NSUN2: variants seen among roughly 807,000 people sequenced by gnomAD.
NSUN2 encodes RNA cytosine C(5)-methyltransferase NSUN2.
In NSUN2, 63 loss-of-function variants were observed where a neutral mutation model predicts 92.7. The observed-to-expected ratio is 0.68, with a 90% CI of 0.56 to 0.84. The LOEUF is 0.84. Among genes scored for constraint, NSUN2 ranks in the 40% least tolerant of loss-of-function variants. The pLI is 0.00. For synonymous variants in NSUN2, 356 were observed against 348.3 expected, an observed-to-expected ratio of 1.02 and a Z score of -0.25; for missense variants, 989 against 964.9, an observed-to-expected ratio of 1.02 and a Z score of -0.33.
At chr5:6,614,230 T>C (rs1027698829) in intron 9 of NSUN2, among the ~76,000 whole-genome samples, 1 of 150,702 alleles carries the variant, frequency 6.6e-6, no homozygotes, top group Non-Finnish European at 1.5e-5. Context: ...AGTAACATTC[T>C]AAATACAAGA....
chr5:6,620,660 T>C (rs1017521269), intron 6 of NSUN2: 1 of 159,802 alleles, frequency 6.3e-6, no homozygotes, highest in Non-Finnish European at 1.4e-5. Flanking sequence ...TGTTTCAAAA[T>C]CCTGAACACA....
Position 6,599,902 on chromosome 5 carries a change from G to T in NSUN2, c.*24C>A. On this transcript the variant is annotated 3_prime_UTR_variant, in exon 19 of 19. Coordinates refer to ENST00000264670, the MANE Select transcript of NSUN2 (RefSeq NM_017755.6). ...AGCCAGTTTTGCGTGTGAGGGGTGTGGGCCCCCGCTGCCTTGGGCCTGCTC... is the reference window on the plus strand; with the variant it reads ...AGCCAGTTTTGCGTGTGAGGGGTGTTGGCCCCCGCTGCCTTGGGCCTGCTC... 6.2e-7 allele frequency: 1 copy of T among 1,603,218 alleles called. No homozygotes were observed.
intron 16 of NSUN2, 21 bp downstream of exon 16, chr5:6,604,584 C>T: frequency 6.2e-7 from 1 of 1,610,480 alleles, no homozygotes; most frequent in South Asian, 1.1e-5. Context: ...TACTGCTGTT[C>T]AAATCCACTT....
intron 3 of NSUN2, among the ~76,000 whole-genome samples, chr5:6,626,957 T>C (rs964537537): frequency 2.6e-5 from 4 of 152,232 alleles, no homozygotes. Flanking sequence ...CTCTGATTTT[T>C]TGATGGAAAC....
Position 6,620,221 on chromosome 5 carries a change from G to T in NSUN2, c.700C>A (p.Pro234Thr). Residue 234 changes from proline to threonine, a missense_variant, in exon 7 of 19, where the codon CCC becomes ACC. Transcript: ENST00000264670. Reference protein sequence around the residue: ...LVHQAKRLSSPCIMVVNHDAS... With the variant: ...LVHQAKRLSSTCIMVVNHDAS... ...TCATGGTTGACCACCATGATGCAGGGGCTGCTCAGCCTCTTGGCTTGATGG... is the reference window on the plus strand; with the variant it reads ...TCATGGTTGACCACCATGATGCAGGTGCTGCTCAGCCTCTTGGCTTGATGG... The T allele has an allele frequency of 6.2e-7, 1 of 1,612,836 alleles. No homozygotes were observed. Among genetic ancestry groups the T allele is most frequent in the Non-Finnish European group, 8.5e-7 (1 of 1,179,530 alleles).
At chr5:6,601,639 C>A (rs565733587) in intron 18 of NSUN2, among the ~76,000 whole-genome samples, 2 of 152,230 alleles carry the variant, frequency 1.3e-5, no homozygotes, top group South Asian at 4.1e-4. Flanking sequence ...CCGCCCCGAC[C>A]CCCAGCTTGC....
At chr5:6,615,248 G>A (rs1232220092) in intron 9 of NSUN2, among the ~76,000 whole-genome samples, 3 of 152,208 alleles carry the variant, frequency 2.0e-5, no homozygotes, top group East Asian at 3.9e-4. Flanking sequence ...AATAAATGCA[G>A]TCCATTTTCT....
chr5:6,614,095 G>A (rs9284967), intron 9 of NSUN2, among the ~76,000 whole-genome samples: 19,635 of 34,550 alleles, frequency 0.57, 4,693 homozygotes, highest in South Asian at 0.61. Flanking sequence ...GACTGTCTCG[G>A]AAAAAAAAAA....
At chr5:6,604,063 C>T (rs946981120) in intron 17 of NSUN2, 75 bp downstream of exon 17, 36 of 1,340,198 alleles carry the variant, frequency 2.7e-5, no homozygotes, top group African/African-American at 7.3e-5. Flanking sequence ...TATGCCCCAA[C>T]GCACACCACC....
Position 6,607,339 on chromosome 5 carries a change from G to A in NSUN2, c.1369C>T (p.Pro457Ser). The change falls in exon 13 of 19, where the codon CCT (proline) becomes TCT (serine). Residue 457 changes from proline (P) to serine (S), a missense_variant. Around this residue, in one of 3 missense-constraint regions of NSUN2, gnomAD observed 626 missense variants for 602.3 expected, o/e 1.04. Coordinates refer to ENST00000264670, the MANE Select transcript of NSUN2 (RefSeq NM_017755.6). Reference protein sequence around the residue: ...AETRESTQLSPADLTEGKPTD... With the variant: ...AETRESTQLSSADLTEGKPTD... ...GGTTTCCCTTCTGTGAGATCTGCAG[G>A]GCTCAGCTGTGTGCTTTCTCTGGTC... is the stretch of plus-strand genomic sequence containing the variant. 6.2e-7 allele frequency: 1 copy of A among 1,614,070 alleles called. No individual in the cohort carries two copies. Among genetic ancestry groups the A allele is most frequent in the Non-Finnish European group, 8.5e-7 (1 of 1,180,000 alleles).
At chr5:6,624,426 T>C (rs1307964418) in intron 4 of NSUN2, among the ~76,000 whole-genome samples, 1 of 152,142 alleles carries the variant, frequency 6.6e-6, no homozygotes, top group Admixed American at 6.5e-5. Context: ...CCTACAACAT[T>C]TGCTACCCAC....
intron 3 of NSUN2, among the ~76,000 whole-genome samples, chr5:6,629,673 GCT>G (rs1438054691): frequency 6.6e-6 from 1 of 152,176 alleles, no homozygotes; most frequent in Non-Finnish European, 1.5e-5. Flanking sequence ...AGATGGTTTG[GCT>G]CTGTGTTCCC....
intron 16 of NSUN2, 142 bp downstream of exon 16, chr5:6,604,463 T>A: frequency 1.1e-6 from 1 of 932,230 alleles, no homozygotes; most frequent in South Asian, 1.5e-5. Flanking sequence ...GAGAGCTCTA[T>A]AACCTGTGAG....
intron 7 of NSUN2, among the ~76,000 whole-genome samples, chr5:6,619,264 A>C (rs916377966): frequency 2.0e-5 from 3 of 152,240 alleles, no homozygotes; most frequent in Non-Finnish European, 4.4e-5. Flanking sequence ...CAGAGCCACC[A>C]GCTGCAAGTT....
chr5:6,609,283 G>A (rs910293440), intron 12 of NSUN2, among the ~76,000 whole-genome samples: 26 of 152,330 alleles, frequency 1.7e-4, no homozygotes, highest in Admixed American at 1.3e-3. Context: ...GTGTTAGGAT[G>A]AGGGCAACAC....
At chr5:6,613,989 C>G (rs1316994125) in intron 9 of NSUN2, among the ~76,000 whole-genome samples, 2 of 149,740 alleles carry the variant, frequency 1.3e-5, no homozygotes, top group Non-Finnish European at 3.0e-5. Flanking sequence ...CCCAGCTACT[C>G]GGGAGGCTGA....
At chr5:6,606,423 A>G (rs963396942) in intron 14 of NSUN2, among the ~76,000 whole-genome samples, 1 of 152,174 alleles carries the variant, frequency 6.6e-6, no homozygotes, top group Non-Finnish European at 1.5e-5. Context: ...AGCTGGGACT[A>G]CAGGTGCCCG....
At chr5:6,606,532 G>A (rs886919383) in intron 14 of NSUN2, among the ~76,000 whole-genome samples, 11 of 152,118 alleles carry the variant, frequency 7.2e-5, no homozygotes, top group Middle Eastern at 3.4e-3. Context: ...TGCTCCGCCC[G>A]TCTCGGCCTC....
intron 7 of NSUN2, among the ~76,000 whole-genome samples, chr5:6,619,844 TTC>T (rs1473143330): frequency 2.0e-5 from 3 of 149,518 alleles, no homozygotes; most frequent in East Asian, 1.9e-4. Flanking sequence ...CTTACGTATT[TTC>T]TCTGTTTTGT....
Sources: gnomAD v4.1 joint callset for allele counts (sites outside exome capture counted in the v4.1 genomes callset) on GRCh38, gnomAD v4.1.1 for gene constraint, gnomAD v4.1.1 regional missense constraint, MANE v1.5 for transcripts, NCBI Gene and HGNC (gene_info 2026-07-23, HGNC 2026-07-21) for gene names.